The following PXDNL variants were observed in gnomAD, a reference collection of about 807,000 sequenced individuals.
PXDNL encodes the protein probable oxidoreductase PXDNL.
Under a neutral mutation model 150.8 loss-of-function variants are expected in PXDNL, and 145 were observed. The ratio of observed to expected loss-of-function variants is 0.96; its 90% CI spans 0.84 to 1.10. The LOEUF (loss-of-function observed/expected upper bound fraction) is 1.10, where lower values mean the gene tolerates loss of function less well. Ranked by LOEUF, PXDNL falls within the 50% of genes least tolerant of loss-of-function variation. PXDNL has a pLI of 0.00. For synonymous variants in PXDNL, 757 were observed against 725.7 expected (o/e 1.04, Z -0.69); for missense variants, 2,087 against 1,873.9 (o/e 1.11, Z -2.10).
intron 1 of PXDNL, among the ~76,000 whole-genome samples, chr8:51,803,487 C>G (rs1412309493): frequency 6.6e-6 from 1 of 152,164 alleles, no homozygotes; most frequent in South Asian, 2.1e-4. Context: ...GGAATTTGCA[C>G]TCTGCCACCT....
chr8:51,678,387 A>G (rs1815673469), intron 1 of PXDNL, among the ~76,000 whole-genome samples: 1 of 152,174 alleles, frequency 6.6e-6, no homozygotes, highest in Non-Finnish European at 1.5e-5. Flanking sequence ...GGTACTCTGT[A>G]GAATTTAACA....
chr8:51,543,694 G>C (rs1317927103), intron 4 of PXDNL, among the ~76,000 whole-genome samples: 3 of 129,994 alleles, frequency 2.3e-5, no homozygotes, highest in African/African-American at 8.8e-5. Flanking sequence ...CCTGGTGACA[G>C]AGCGAGACTC....
rs192512585 is a variant in PXDNL, at chr8:51,426,729, C to T, written c.1555G>A (p.Asp519Asn). Residue 519 changes from aspartate to asparagine, a missense_variant, in exon 13 of 23, where the codon GAT becomes AAT. Transcript: ENST00000356297. ...TTCTTTCCAACCTCGACACTTGTAT[C>T]CTGAGGAAGTTGAGTAAACACTGCA... The part of the protein sequence containing the change: ...ALAVFTQLPQ[D>N]TSVEVGKNIN... 39 of 1,603,108 alleles carry T rather than the reference C, an allele frequency of 2.4e-5. No individual in the cohort carries two copies. The Middle Eastern group carries it at 5.0e-4, about 20-fold the overall frequency.
chr8:51,729,795 C>T (rs1816882867), intron 1 of PXDNL, among the ~76,000 whole-genome samples: 1 of 152,074 alleles, frequency 6.6e-6, no homozygotes, highest in African/African-American at 2.4e-5. Context: ...ACACCAGGAA[C>T]TATTAAGCAG....
At chr8:51,362,088 C>T (rs547283430) in intron 19 of PXDNL, among the ~76,000 whole-genome samples, 30 of 151,382 alleles carry the variant, frequency 2.0e-4, no homozygotes, top group African/African-American at 7.3e-4. Context: ...AGACTTTTTA[C>T]AAATGGCAAA....
At chr8:51,498,042 C>G (rs564533366) in intron 5 of PXDNL, among the ~76,000 whole-genome samples, 1 of 151,882 alleles carries the variant, frequency 6.6e-6, no homozygotes, top group Admixed American at 6.6e-5. Context: ...AAATGTCCAA[C>G]AATGATAGAC....
chr8:51,457,626 A>G lies in PXDNL; in HGVS notation c.854T>C (p.Phe285Ser). 4 of 1,613,810 alleles carry G rather than the reference A, an allele frequency of 2.5e-6. No individual in the cohort carries two copies. The highest frequency in any genetic ancestry group is 3.4e-6 in the Non-Finnish European group (4 of 1,179,812). The part of the protein sequence containing the change: ...DLEDDTRLNV[F>S]DDGTLMIRNT... ...TCGGATCATGAGTGTGCCATCATCA[A>G]ACACATTAAGTCGAGTATCATCTTC... The change falls in exon 9 of 23, where the codon TTT (phenylalanine) becomes TCT (serine). Residue 285 changes from phenylalanine (F) to serine (S), a missense_variant. Coordinates refer to ENST00000356297, the MANE Select transcript of PXDNL (RefSeq NM_144651.5).
intron 7 of PXDNL, among the ~76,000 whole-genome samples, chr8:51,474,430 T>C (rs1300750691): frequency 1.3e-5 from 2 of 152,344 alleles, no homozygotes; most frequent in East Asian, 3.9e-4. Context: ...AATATAACCA[T>C]ATGCTTATTA....
At chr8:51,577,143 C>T (rs79956070) in intron 3 of PXDNL, among the ~76,000 whole-genome samples, 3,715 of 151,884 alleles carry the variant, frequency 0.024, 72 homozygotes, top group African/African-American at 0.055. Context: ...TCTCGATTCA[C>T]TTTACAAAGT....
intron 8 of PXDNL, among the ~76,000 whole-genome samples, chr8:51,465,720 G>A (rs577460229): frequency 6.6e-6 from 1 of 152,266 alleles, no homozygotes; most frequent in African/African-American, 2.4e-5. Context: ...CAAAATCAAT[G>A]TGTAAAAAAT....
rs1397377833 is a variant in PXDNL, at chr8:51,490,629, TATATATAC to T, written c.453-6923_453-6916del. 1.6e-4 allele frequency among the ~76,000 whole-genome samples: 24 copies of T among 149,114 alleles called. No homozygotes were observed. In the East Asian group the frequency reaches 3.3e-3, roughly 21 times the overall value. ...GTGGACTTTATTTATGAGTCACATA[TATATATAC>T]ATATATATACATATATATACACATA... On this transcript the variant is annotated intron_variant, in intron 5 of 22. Transcript: ENST00000356297.
intron 1 of PXDNL, among the ~76,000 whole-genome samples, chr8:51,661,348 C>T (rs1330100843): frequency 6.6e-6 from 1 of 152,186 alleles, no homozygotes; most frequent in Admixed American, 6.5e-5. Flanking sequence ...GGCTAGGTCA[C>T]AGCACCCATG....
intron 4 of PXDNL, among the ~76,000 whole-genome samples, chr8:51,553,964 T>G (rs1047701449): frequency 6.6e-6 from 1 of 152,046 alleles, no homozygotes; most frequent in African/African-American, 2.4e-5. Context: ...ATTTAAAAGA[T>G]GAATCGAAGT....
intron 1 of PXDNL, among the ~76,000 whole-genome samples, chr8:51,728,056 T>C (rs1289722770): frequency 6.6e-6 from 1 of 152,246 alleles, no homozygotes; most frequent in Non-Finnish European, 1.5e-5. Context: ...TAACGATGTT[T>C]CAGTCAGTGA....
At chr8:51,798,459 T>C (rs1228264543) in intron 1 of PXDNL, among the ~76,000 whole-genome samples, 1 of 152,088 alleles carries the variant, frequency 6.6e-6, no homozygotes, top group African/African-American at 2.4e-5. Flanking sequence ...ATATCCAAAA[T>C]CTGCAAGGAA....
chr8:51,688,101 G>GA (rs1298002326), intron 1 of PXDNL, among the ~76,000 whole-genome samples: 10 of 152,210 alleles, frequency 6.6e-5, no homozygotes, highest in Admixed American at 5.9e-4. Flanking sequence ...CCTTTGGCAA[G>GA]AAAAAATCGT....
chr8:51,706,105 G>C (rs1038738034), intron 1 of PXDNL, among the ~76,000 whole-genome samples: 17 of 152,192 alleles, frequency 1.1e-4, no homozygotes, highest in Admixed American at 6.5e-4. Flanking sequence ...GAGGTCAGGA[G>C]TTCGTGACCA....
chr8:51,476,320 C>A (rs1416724811), intron 6 of PXDNL, among the ~76,000 whole-genome samples: 2 of 152,282 alleles, frequency 1.3e-5, no homozygotes, highest in East Asian at 3.9e-4. Flanking sequence ...TTTGTAAACT[C>A]CTTGGCATCA....
intron 3 of PXDNL, among the ~76,000 whole-genome samples, chr8:51,559,324 TTCCAA>T (rs1812664081): frequency 9.1e-6 from 1 of 109,290 alleles, no homozygotes; most frequent in Admixed American, 9.5e-5. Flanking sequence ...TTTTTGTTTC[TTCCAA>T]ACCCCCCCCC....
Sources: allele counts gnomAD v4.1 joint callset (sites outside exome capture counted in the v4.1 genomes callset), GRCh38; gene constraint gnomAD v4.1.1; transcripts MANE v1.5; gene names NCBI Gene and HGNC (gene_info 2026-07-23, HGNC 2026-07-21).